Variants in PPARGC1A observed in about 807,000 individuals in gnomAD.
PPARGC1A encodes PPARG coactivator 1 alpha.
PPARGC1A carries 25 observed loss-of-function variants against 88.7 expected under a neutral mutation model. The observed-to-expected ratio is 0.28, with a 90% CI of 0.21 to 0.39. PPARGC1A has a LOEUF of 0.39. Among genes scored for constraint, PPARGC1A ranks in the 10% least tolerant of loss-of-function variants. The pLI is 1.00. For missense variants in PPARGC1A, 880 were observed against 968.7 expected, an observed-to-expected ratio of 0.91 and a Z score of 1.22; for synonymous variants, 363 against 355.6, an observed-to-expected ratio of 1.02 and a Z score of -0.24.
At chr4:23,810,924 A>C (rs1245020331) in intron 10 of PPARGC1A, among the ~76,000 whole-genome samples, 1 of 152,212 alleles carries the variant, frequency 6.6e-6, no homozygotes, top group African/African-American at 2.4e-5. Flanking sequence ...AATTAAATAC[A>C]GTGATATTAG....
chr4:24,290,066 A>T, the PPARGC1A span, among the ~76,000 whole-genome samples: 1 of 152,230 alleles, frequency 6.6e-6, no homozygotes, highest in South Asian at 2.1e-4. Context: ...ATTCACTATC[A>T]TGAGTACAGC....
At chr4:24,336,098 T>A in the PPARGC1A span, among the ~76,000 whole-genome samples, 2 of 144,302 alleles carry the variant, frequency 1.4e-5, no homozygotes, top group African/African-American at 2.6e-5. Context: ...GTTTTCCACA[T>A]CCTTTCTCTA....
the PPARGC1A span, among the ~76,000 whole-genome samples, chr4:23,958,920 CT>C: frequency 6.6e-6 from 1 of 151,002 alleles, no homozygotes; most frequent in Non-Finnish European, 1.5e-5. Context: ...CCTTAAAGGG[CT>C]TATTCATATT....
chr4:23,996,301 C>T, the PPARGC1A span, among the ~76,000 whole-genome samples: 1 of 152,148 alleles, frequency 6.6e-6, no homozygotes, highest in African/African-American at 2.4e-5. Flanking sequence ...GTCATGATCC[C>T]AATTCAGGTA....
the PPARGC1A span, among the ~76,000 whole-genome samples, chr4:24,070,150 A>AT: frequency 6.6e-6 from 1 of 152,194 alleles, no homozygotes; most frequent in African/African-American, 2.4e-5. Flanking sequence ...CCATACAGGA[A>AT]TTATACTAAA....
the PPARGC1A span, among the ~76,000 whole-genome samples, chr4:23,915,276 C>A: frequency 6.6e-6 from 1 of 152,052 alleles, no homozygotes; most frequent in Non-Finnish European, 1.5e-5. Flanking sequence ...TTAAAATGAA[C>A]AGGGAAGTAA....
the PPARGC1A span, among the ~76,000 whole-genome samples, chr4:24,104,760 G>A: frequency 4.6e-5 from 7 of 152,130 alleles, no homozygotes; most frequent in Non-Finnish European, 8.8e-5. Context: ...TTGGTGCAAC[G>A]CCTCTCCCCA....
the PPARGC1A span, among the ~76,000 whole-genome samples, chr4:24,309,389 G>T: frequency 6.6e-6 from 1 of 152,272 alleles, no homozygotes; most frequent in Admixed American, 6.5e-5. Context: ...ATTGGAACCT[G>T]TTCAACATCA....
At chr4:24,015,220 A>G in the PPARGC1A span, among the ~76,000 whole-genome samples, 3,191 of 152,258 alleles carry the variant, frequency 0.021, 100 homozygotes, top group East Asian at 0.085. Context: ...GTATGTATAC[A>G]TATACATACG....
At chr4:24,262,106 A>AC in the PPARGC1A span, among the ~76,000 whole-genome samples, 1 of 151,760 alleles carries the variant, frequency 6.6e-6, no homozygotes, top group Non-Finnish European at 1.5e-5. Context: ...CCCAACCCCC[A>AC]CCAAGTCACC....
At chr4:24,156,871 TTCATTA>T in the PPARGC1A span, among the ~76,000 whole-genome samples, 1 of 152,106 alleles carries the variant, frequency 6.6e-6, no homozygotes, top group Admixed American at 6.6e-5. Context: ...AATGTTTATT[TTCATTA>T]TAACTCTTCC....
the PPARGC1A span, among the ~76,000 whole-genome samples, chr4:24,107,200 G>A: frequency 6.6e-6 from 1 of 152,208 alleles, no homozygotes; most frequent in Non-Finnish European, 1.5e-5. Flanking sequence ...GCAAATGGTT[G>A]AATCTGTTAA....
chr4:24,256,812 C>T, the PPARGC1A span, among the ~76,000 whole-genome samples: 2 of 152,082 alleles, frequency 1.3e-5, no homozygotes, highest in African/African-American at 2.4e-5. Flanking sequence ...CATTGTCTTC[C>T]GAAACTTTGA....
chr4:24,343,116 C>T, the PPARGC1A span, among the ~76,000 whole-genome samples: 1 of 152,216 alleles, frequency 6.6e-6, no homozygotes, highest in Admixed American at 6.5e-5. Flanking sequence ...ACCACTGAAA[C>T]ACTCTGCTTC....
the PPARGC1A span, among the ~76,000 whole-genome samples, chr4:24,302,050 A>C: frequency 1.3e-5 from 2 of 151,982 alleles, no homozygotes; most frequent in African/African-American, 4.8e-5. Context: ...TTTCCCCCCA[A>C]GTTGTTCTTC....
At chr4:24,240,940 C>T in the PPARGC1A span, among the ~76,000 whole-genome samples, 1 of 152,114 alleles carries the variant, frequency 6.6e-6, no homozygotes, top group Non-Finnish European at 1.5e-5. Flanking sequence ...GTCACATCCC[C>T]CTCTCATCCA....
chr4:23,951,612 T>C, the PPARGC1A span, among the ~76,000 whole-genome samples: 1 of 152,130 alleles, frequency 6.6e-6, no homozygotes, highest in Non-Finnish European at 1.5e-5. Flanking sequence ...GCAGGATACA[T>C]GAATGTCAGG....
the PPARGC1A span, among the ~76,000 whole-genome samples, chr4:24,195,203 T>C: frequency 1.3e-5 from 2 of 152,164 alleles, no homozygotes; most frequent in African/African-American, 4.8e-5. Context: ...TTAACTAATA[T>C]GATTTTGGAC....
chr4:24,388,991 CTT>C, the PPARGC1A span, among the ~76,000 whole-genome samples: 2 of 152,044 alleles, frequency 1.3e-5, no homozygotes, highest in Non-Finnish European at 2.9e-5. Flanking sequence ...AAAAGAAATA[CTT>C]TTCTCTCCAA....
Sources: allele counts gnomAD v4.1 joint callset (sites outside exome capture counted in the v4.1 genomes callset), GRCh38; gene constraint gnomAD v4.1.1; transcripts MANE v1.5; gene names NCBI Gene and HGNC (gene_info 2026-07-23, HGNC 2026-07-21).